The following SORD variants were observed in gnomAD, a reference collection of about 807,000 sequenced individuals.
SORD encodes sorbitol dehydrogenase.
In SORD, 18 loss-of-function variants were observed where a neutral mutation model predicts 35.6. That is an observed-to-expected ratio of 0.51 (90% confidence interval 0.35 to 0.75). The LOEUF (loss-of-function observed/expected upper bound fraction) is 0.75. Among genes scored for constraint, SORD ranks in the 30% least tolerant of loss-of-function variants. SORD has a pLI of 0.01. For missense variants in SORD, 250 were observed against 390.2 expected (o/e 0.64, Z 3.03); for synonymous variants, 106 against 152.9 (o/e 0.69, Z 2.26).
intron 3 of SORD, among the ~76,000 whole-genome samples, chr15:45,059,466 T>C (rs1372082742): frequency 1.3e-5 from 2 of 152,168 alleles, no homozygotes; most frequent in Non-Finnish European, 2.9e-5. Flanking sequence ...TACTCTTACA[T>C]TGGAACACTA....
intron 3 of SORD, among the ~76,000 whole-genome samples, chr15:45,050,106 G>A (rs1029471736): frequency 4.6e-5 from 7 of 151,518 alleles, no homozygotes; most frequent in Non-Finnish European, 8.8e-5. Context: ...TTTTTGAGAC[G>A]GAGTCTCGCA....
intron 3 of SORD, chr15:45,050,593 G>A (rs1251917968): frequency 6.6e-6 from 1 of 152,172 alleles, no homozygotes; most frequent in Non-Finnish European, 1.5e-5. Context: ...TGCAACTCCA[G>A]CTTGATTTTT....
At position 45,038,132 on chromosome 15, in the gene SORD, C is replaced by CTTCCTTCTTTCCTTCCTTCT. The variant is rs1310051176; in HGVS notation, c.67-2269_67-2268insTTTCCTTCCTTCTTTCCTTC. Among the ~76,000 whole-genome samples, 185 of 42,264 alleles carry CTTCCTTCTTTCCTTCCTTCT rather than the reference C, an allele frequency of 4.4e-3. 2 individuals are homozygous for CTTCCTTCTTTCCTTCCTTCT. Among genetic ancestry groups the CTTCCTTCTTTCCTTCCTTCT allele is most frequent in the Admixed American group, 5.2e-3 (31 of 6,014 alleles). The allele number at this position is 42,264 out of a possible 152,430, so 27.7% of individuals were successfully genotyped here. A position where few individuals can be genotyped will look rare whatever the true frequency, so the allele number is the denominator to read the frequency against. On this transcript the variant is annotated intron_variant, in intron 1 of 8. Coordinates refer to ENST00000267814, the MANE Select transcript of SORD (RefSeq NM_003104.6). ...CTTCCTTCCCTCGCATCCTCCCTTC[C>CTTCCTTCTTTCCTTCCTTCT]TTCCTTCCTTCCTTCCTTCCTTCCT...
intron 1 of SORD, among the ~76,000 whole-genome samples, chr15:45,029,186 C>T (rs78281912): frequency 0.21 from 31,152 of 150,668 alleles, no homozygotes; most frequent in African/African-American, 0.44. Flanking sequence ...GTTTTAACAA[C>T]AAAACAAAAC....
At chr15:45,068,390 TGA>T in intron 6 of SORD, 144 bp downstream of exon 6, 1 of 677,592 alleles carries the variant, frequency 1.5e-6, no homozygotes, top group Non-Finnish European at 2.7e-6. Flanking sequence ...TAGAAGAGTG[TGA>T]GTGTGTGTTT....
intron 7 of SORD, chr15:45,070,452 GT>G (rs1893492793): frequency 6.5e-6 from 1 of 153,244 alleles, no homozygotes; most frequent in Non-Finnish European, 1.5e-5. Flanking sequence ...CTCCTACTAA[GT>G]TGCCCAGCGG....
intron 5 of SORD, among the ~76,000 whole-genome samples, chr15:45,066,638 C>T (rs1893410177): frequency 6.6e-6 from 1 of 152,192 alleles, no homozygotes; most frequent in African/African-American, 2.4e-5. Context: ...CAGGCCCTAG[C>T]AGCCTTAGAC....
chr15:45,034,160 T>C (rs1704804), intron 1 of SORD, among the ~76,000 whole-genome samples: 15,094 of 134,178 alleles, frequency 0.11, 911 homozygotes, highest in African/African-American at 0.2. Flanking sequence ...TAAGAGTGAA[T>C]GTATTTACTG....
chr15:45,065,250 G>T, intron 4 of SORD, 21 bp from the exon 5 acceptor site: 1 of 1,550,976 alleles, frequency 6.4e-7, no homozygotes, highest in Non-Finnish European at 8.9e-7. Context: ...GAGGATCTCT[G>T]TGTGTCAATT....
At chr15:45,071,410 C>A (rs1893510980) in intron 7 of SORD, among the ~76,000 whole-genome samples, 1 of 152,146 alleles carries the variant, frequency 6.6e-6, no homozygotes, top group Non-Finnish European at 1.5e-5. Flanking sequence ...GCTCACGGCA[C>A]CACAGGCCTG....
intron 1 of SORD, among the ~76,000 whole-genome samples, chr15:45,027,852 G>T (rs377242114): frequency 6.6e-6 from 1 of 152,240 alleles, no homozygotes; most frequent in Non-Finnish European, 1.5e-5. Flanking sequence ...GGGTTCACTC[G>T]AATGGTAAGG....
rs1424330974 is a variant in SORD at position 45,065,370 on chromosome 15, G to A, written c.525G>A (p.Lys175=). 1 of 1,610,384 alleles carries A rather than the reference G, an allele frequency of 6.2e-7. No individual in the cohort carries two copies. Among genetic ancestry groups the A allele is most frequent in the African/African-American group, 1.3e-5 (1 of 74,618 alleles). Residue 175 remains lysine, a synonymous_variant, in exon 5 of 9, where the codon AAG becomes AAA. Coordinates refer to ENST00000267814, the MANE Select transcript of SORD (RefSeq NM_003104.6). ...CRRGGVTLGH[K]VLVCGAGPIG... Reference sequence around the variant, plus strand: ...GAGGCGGAGTTACCCTGGGACACAAGGTCCTTGTGTGTGGAGCTGGTAAGA... The same window carrying A: ...GAGGCGGAGTTACCCTGGGACACAAAGTCCTTGTGTGTGGAGCTGGTAAGA...
chr15:45,031,402 T>C (rs527384320), intron 1 of SORD, among the ~76,000 whole-genome samples: 10 of 152,120 alleles, frequency 6.6e-5, no homozygotes, highest in African/African-American at 2.2e-4. Flanking sequence ...TGAACAGATT[T>C]GGATTTCCCT....
At chr15:45,029,931 A>G (rs768272041) in intron 1 of SORD, among the ~76,000 whole-genome samples, 31,106 of 150,578 alleles carry the variant, frequency 0.21, no homozygotes, top group African/African-American at 0.44. Flanking sequence ...GGAAGTGCGT[A>G]TTGATGGGTT....
At chr15:45,032,680 T>C (rs1406442088) in intron 1 of SORD, among the ~76,000 whole-genome samples, 3 of 152,048 alleles carry the variant, frequency 2.0e-5, no homozygotes, top group Non-Finnish European at 4.4e-5. Context: ...CAGAACAAAG[T>C]TGAATGGAGC....
chr15:45,024,763 G>A (rs1892643481), intron 1 of SORD, among the ~76,000 whole-genome samples: 1 of 152,052 alleles, frequency 6.6e-6, no homozygotes, highest in Non-Finnish European at 1.5e-5. Context: ...CAGGCACTGG[G>A]CTGAGGGCCC....
At chr15:45,036,053 A>C (rs1268945472) in intron 1 of SORD, among the ~76,000 whole-genome samples, 3 of 151,924 alleles carry the variant, frequency 2.0e-5, no homozygotes. Flanking sequence ...ACGCTGGCTT[A>C]AGAGCTGTAA....
chr15:45,024,049 C>T (rs1378331050), intron 1 of SORD, among the ~76,000 whole-genome samples: 1 of 152,176 alleles, frequency 6.6e-6, no homozygotes, highest in Non-Finnish European at 1.5e-5. Context: ...GCCTCTGTCC[C>T]TTTAGGAGCA....
chr15:45,056,144 A>C (rs1379256107), intron 3 of SORD, among the ~76,000 whole-genome samples: 3 of 150,666 alleles, frequency 2.0e-5, no homozygotes, highest in African/African-American at 7.3e-5. Context: ...GGCCAGGGCA[A>C]TTAGGCAGGA....
Sources: gnomAD v4.1 joint callset for allele counts (sites outside exome capture counted in the v4.1 genomes callset) on GRCh38, gnomAD v4.1.1 for gene constraint, MANE v1.5 for transcripts, NCBI Gene and HGNC (gene_info 2026-07-23, HGNC 2026-07-21) for gene names.